The following ADCY8 variants were observed in gnomAD, a reference collection of about 807,000 sequenced individuals.
ADCY8 encodes the protein adenylate cyclase 8.
A neutral mutation model predicts 119.7 loss-of-function variants in ADCY8; 51 were observed. The ratio of observed to expected loss-of-function variants is 0.43; its 90% CI spans 0.34 to 0.54. ADCY8 has a LOEUF of 0.54. ADCY8 is among the 20% of genes least tolerant of loss of function. The probability of loss-of-function intolerance (pLI) is 0.03; values close to 1 mark genes in which losing one functional copy is unlikely to be tolerated. For synonymous variants in ADCY8, 665 were observed against 651.0 expected (o/e 1.02, Z -0.33); for missense variants, 1,383 against 1,598.8 (o/e 0.87, Z 2.30).
chr8:131,035,602 G>A (rs187209311), intron 1 of ADCY8, among the ~76,000 whole-genome samples: 1 of 152,266 alleles, frequency 6.6e-6, no homozygotes, highest in African/African-American at 2.4e-5. Flanking sequence ...CAGTGTGGTT[G>A]CTACCCTGTC....
Position 130,800,429 on chromosome 8 carries a change from A to G in ADCY8, c.3057T>C (p.Asp1019=), listed in dbSNP as rs1815738881. ...AATGTCTCAGGCTTAGATTTACCTC[A>G]TCGAAGTCAGCAATGATCTCATTGA... ...RLLNEIIADF[D]ELLGEDRFQD... is the part of the protein sequence containing the mutation. Residue 1019 remains aspartate (D), a synonymous_variant, in exon 15 of 18, where the codon GAT becomes GAC. Transcript: ENST00000286355. 6.2e-7 allele frequency: 1 copy of G among 1,614,178 alleles called. No individual in the cohort carries two copies. Among genetic ancestry groups the G allele is most frequent in the Non-Finnish European group, 8.5e-7 (1 of 1,180,026 alleles).
chr8:130,895,105 CA>C (rs1020907049), intron 7 of ADCY8, among the ~76,000 whole-genome samples: 2 of 152,028 alleles, frequency 1.3e-5, no homozygotes, highest in African/African-American at 4.8e-5. Flanking sequence ...GGAAATAAGT[CA>C]GGGGAAAAGA....
intron 14 of ADCY8, among the ~76,000 whole-genome samples, chr8:130,809,599 A>G (rs1009363293): frequency 6.6e-6 from 1 of 151,968 alleles, no homozygotes; most frequent in Admixed American, 6.6e-5. Context: ...TGGTCCTAGG[A>G]GGGTAAGAAT....
At chr8:130,789,516 A>G (rs796639003) in intron 15 of ADCY8, among the ~76,000 whole-genome samples, 5 of 152,096 alleles carry the variant, frequency 3.3e-5, no homozygotes, top group African/African-American at 1.2e-4. Context: ...GATAATTGTT[A>G]ATATTCCTTG....
chr8:130,921,768 A>AT (rs1432417978), intron 5 of ADCY8, among the ~76,000 whole-genome samples: 1 of 151,674 alleles, frequency 6.6e-6, no homozygotes. Flanking sequence ...CCATTTTTCT[A>AT]TTTTTTACAT....
At chr8:130,939,490 C>T (rs7813405) in intron 4 of ADCY8, among the ~76,000 whole-genome samples, 5,935 of 152,072 alleles carry the variant, frequency 0.039, 372 homozygotes, top group African/African-American at 0.14. Flanking sequence ...GAGACTTATG[C>T]GAAAGAAAGC....
chr8:130,878,320 T>C (rs1818642368), intron 8 of ADCY8, among the ~76,000 whole-genome samples: 1 of 152,180 alleles, frequency 6.6e-6, no homozygotes, highest in Non-Finnish European at 1.5e-5. Flanking sequence ...TATTGATCAG[T>C]AAACTAATCA....
intron 12 of ADCY8, among the ~76,000 whole-genome samples, chr8:130,831,790 T>A (rs1197348375): frequency 2.6e-5 from 4 of 152,162 alleles, no homozygotes; most frequent in Non-Finnish European, 5.9e-5. Flanking sequence ...GAGTGGAGTT[T>A]AAGAGATCAG....
chr8:130,924,851 A>G (rs916412931), intron 5 of ADCY8, among the ~76,000 whole-genome samples: 1 of 152,116 alleles, frequency 6.6e-6, no homozygotes, highest in Non-Finnish European at 1.5e-5. Context: ...AATTTTTATG[A>G]GGACTTAATG....
chr8:130,858,875 T>A (rs1817834210), intron 9 of ADCY8, among the ~76,000 whole-genome samples: 2 of 151,958 alleles, frequency 1.3e-5, no homozygotes, highest in African/African-American at 4.8e-5. Flanking sequence ...CTGTGTCCCT[T>A]TGAAATACTC....
rs769416849 is a variant in ADCY8 at position 130,951,932 on chromosome 8, C to T, written c.1177G>A (p.Val393Met). The T allele has an allele frequency of 4.5e-5, 73 of 1,613,996 alleles. No homozygotes were observed. The highest frequency in any genetic ancestry group is 6.1e-5 in the Non-Finnish European group (72 of 1,180,032). ...TGGTGCTGCAGGTGCTCATCTTCCA[C>T]ATTGGTCATGTCGTTGATCATTTCC... ...VLEMINDMTN[V>M]EDEHLQHQFH... The change falls in exon 3 of 18, where the codon GTG (valine) becomes ATG (methionine). Residue 393 changes from valine (V) to methionine (M), a missense_variant. By Grantham distance (21) the Val-to-Met change is conservative (BLOSUM62 1). Transcript: ENST00000286355.
chr8:130,938,949 T>A (rs1820875393), intron 4 of ADCY8, among the ~76,000 whole-genome samples: 5 of 152,228 alleles, frequency 3.3e-5, no homozygotes, highest in Admixed American at 3.3e-4. Context: ...TTCAGTTGTT[T>A]CTTCTAAGAC....
chr8:130,860,818 G>A (rs766598667), intron 9 of ADCY8, among the ~76,000 whole-genome samples: 2 of 152,038 alleles, frequency 1.3e-5, no homozygotes, highest in African/African-American at 4.8e-5. Flanking sequence ...AGGCCCCGGT[G>A]TGTGATGTGT....
chr8:130,989,996 C>T (rs553548488), intron 2 of ADCY8, among the ~76,000 whole-genome samples: 7 of 152,078 alleles, frequency 4.6e-5, no homozygotes, highest in East Asian at 1.9e-4. Context: ...TTCTTCCATG[C>T]GCTTACTCTA....
intron 1 of ADCY8, among the ~76,000 whole-genome samples, chr8:130,992,375 T>TGCCTGGC (rs1488993043): frequency 1.1e-4 from 4 of 36,310 alleles, no homozygotes; most frequent in African/African-American, 5.1e-4. Context: ...TGAGCAACTG[T>TGCCTGGC]ATCTGGCATA....
intron 5 of ADCY8, 33 bp downstream of exon 5, chr8:130,937,040 G>A: frequency 6.3e-7 from 1 of 1,589,910 alleles, no homozygotes; most frequent in Non-Finnish European, 8.6e-7. Context: ...GCACATTGAA[G>A]ACCCAGGTAA....
rs140298408 is a variant in ADCY8, at chr8:130,961,421, A to ATC, written c.1111-9425_1111-9424dup. 1.9e-4 allele frequency among the ~76,000 whole-genome samples: 28 copies of ATC among 149,752 alleles called. 1 individual carries two copies. The highest frequency in any genetic ancestry group is 1.0e-3 in the East Asian group (5 of 4,978). On this transcript the variant is annotated intron_variant, in intron 2 of 17. Coordinates refer to ENST00000286355, the MANE Select transcript of ADCY8 (RefSeq NM_001115.3). Reference sequence around the variant, plus strand: ...TACTGTCTAATCACTTTCTTCATAAATCTTCATAAATCTCTTCATAAATCT... The same window carrying ATC: ...TACTGTCTAATCACTTTCTTCATAAATCTCTTCATAAATCTCTTCATAAATCT...
At chr8:130,810,804 T>C (rs138757167) in intron 14 of ADCY8, among the ~76,000 whole-genome samples, 1 of 152,348 alleles carries the variant, frequency 6.6e-6, no homozygotes. Flanking sequence ...TCCTTTATTT[T>C]GCTTTGGCCT....
intron 7 of ADCY8, among the ~76,000 whole-genome samples, chr8:130,897,361 A>C (rs963533029): frequency 5.9e-5 from 9 of 152,110 alleles, no homozygotes; most frequent in African/African-American, 2.2e-4. Flanking sequence ...GACCATGTTC[A>C]CCAGCCCAGC....
Sources: gnomAD v4.1 joint callset for allele counts (sites outside exome capture counted in the v4.1 genomes callset) on GRCh38, gnomAD v4.1.1 for gene constraint, MANE v1.5 for transcripts, NCBI Gene and HGNC (gene_info 2026-07-23, HGNC 2026-07-21) for gene names.